The following FRMPD4 variants were observed in gnomAD, a reference collection of about 807,000 sequenced individuals.
The protein encoded by FRMPD4 is FERM and PDZ domain containing 4.
In FRMPD4, 22 loss-of-function variants were observed where a neutral mutation model predicts 94.1. The ratio of observed to expected loss-of-function variants is 0.23; its 90% CI spans 0.17 to 0.33. FRMPD4 has a LOEUF of 0.33. Ranked by LOEUF, FRMPD4 falls within the 10% of genes least tolerant of loss-of-function variation. The pLI is 1.00. For synonymous variants in FRMPD4, 631 were observed against 548.6 expected (o/e 1.15, Z -2.10); for missense variants, 1,111 against 1,339.9 (o/e 0.83, Z 2.67).
intron 1 of FRMPD4, among the ~76,000 whole-genome samples, chrX:12,339,764 A>T (rs749372149): frequency 2.7e-5 from 3 of 110,861 alleles, no homozygotes; most frequent in Non-Finnish European, 5.7e-5. Flanking sequence ...CTACAGGCAC[A>T]TGCCACCATG....
At chrX:11,881,698 A>G (rs896506325) in intron 3 of FRMPD4, among the ~76,000 whole-genome samples, 2 of 112,000 alleles carry the variant, frequency 1.8e-5, no homozygotes. Context: ...TCTTGATTGT[A>G]GTCATGGTTA....
intron 1 of FRMPD4, among the ~76,000 whole-genome samples, chrX:12,472,167 T>G (rs1291894396): frequency 1.8e-5 from 2 of 112,195 alleles, no homozygotes; most frequent in Non-Finnish European, 3.8e-5. Context: ...CAAAGATAAG[T>G]TGCCCACAAA....
At chrX:11,862,709 T>G (rs749673439) in intron 1 of FRMPD4, among the ~76,000 whole-genome samples, 1 of 111,330 alleles carries the variant, frequency 9.0e-6, no homozygotes, top group Admixed American at 9.5e-5. Context: ...CTGACAGTTT[T>G]GCTGAACCTT....
chrX:12,680,341 G>A (rs917221862), intron 5 of FRMPD4, among the ~76,000 whole-genome samples: 1 of 112,338 alleles, frequency 8.9e-6, no homozygotes, highest in East Asian at 2.8e-4. Flanking sequence ...CCTACAGGTT[G>A]CTCAGAATTA....
chrX:12,195,967 G>A (rs1029606696), intron 1 of FRMPD4, among the ~76,000 whole-genome samples: 3 of 111,702 alleles, frequency 2.7e-5, no homozygotes, highest in Non-Finnish European at 5.7e-5. Context: ...ATGGAATGAC[G>A]GAATGGATGT....
At chrX:12,614,952 C>T in intron 4 of FRMPD4, 71 bp downstream of exon 4, 2 of 527,318 alleles carry the variant, frequency 3.8e-6, no homozygotes, top group Non-Finnish European at 6.2e-6. Flanking sequence ...TCTCAATTAG[C>T]AGAGGAAGAG....
intron 4 of FRMPD4, among the ~76,000 whole-genome samples, chrX:12,624,127 TG>T (rs777718385): frequency 1.8e-5 from 2 of 112,284 alleles, no homozygotes; most frequent in Admixed American, 9.4e-5. Flanking sequence ...TTAGAAGAAA[TG>T]CTACAGTGAG....
upstream of FRMPD4, among the ~76,000 whole-genome samples, chrX:12,133,490 T>A (rs182622103): frequency 2.9e-4 from 32 of 111,235 alleles, no homozygotes; most frequent in African/African-American, 1.0e-3. Flanking sequence ...AGTAGCATGA[T>A]CAGAGCTCAA....
chrX:12,215,176 C>G (rs992996990), intron 1 of FRMPD4, among the ~76,000 whole-genome samples: 2 of 111,448 alleles, frequency 1.8e-5, no homozygotes, highest in Non-Finnish European at 3.8e-5. Flanking sequence ...GGTATGTTTC[C>G]TTTACTTTAT....
intron 1 of FRMPD4, among the ~76,000 whole-genome samples, chrX:12,305,726 T>TA (rs1491095626): frequency 4.4e-5 from 1 of 22,798 alleles, no homozygotes; most frequent in East Asian, 2.5e-3. Flanking sequence ...GCTGGCTAAG[T>TA]TTTTTTTTTT....
intron 1 of FRMPD4, among the ~76,000 whole-genome samples, chrX:12,335,901 A>G (rs752000326): frequency 2.7e-5 from 3 of 112,029 alleles, no homozygotes; most frequent in South Asian, 3.8e-4. Flanking sequence ...TTTCGCCTCA[A>G]TCACCTTACT....
chrX:12,340,332 A>G (rs2055591802), intron 1 of FRMPD4, among the ~76,000 whole-genome samples: 1 of 111,254 alleles, frequency 9.0e-6, no homozygotes. Context: ...TCTATGGAGT[A>G]TTGTCAAAGA....
chrX:12,008,332 T>G (rs1479025499), intron 3 of FRMPD4, among the ~76,000 whole-genome samples: 4 of 111,702 alleles, frequency 3.6e-5, no homozygotes, highest in African/African-American at 1.3e-4. Context: ...GGGTTCTGGC[T>G]CTATTATTTG....
chrX:12,667,933 A>G (rs1406835298), intron 4 of FRMPD4, among the ~76,000 whole-genome samples: 2 of 112,402 alleles, frequency 1.8e-5, no homozygotes, highest in Admixed American at 9.4e-5. Flanking sequence ...AAACTCAACC[A>G]TTTAAAAAAT....
rs952546719 is a variant in FRMPD4 at position 12,095,826 on chromosome X, A to G, written c.95+217808A>G. 4.5e-5 allele frequency among the ~76,000 whole-genome samples: 5 copies of G among 112,091 alleles called. No homozygotes were observed. In the Admixed American group the frequency reaches 4.7e-4, roughly 11 times the overall value. ...ATGCACATGACAACACTTCAACCAC[A>G]TTCCATCAATTCTCTCTTGTCTGGA... On this transcript the variant is annotated intron_variant, in intron 3 of 18. Coordinates refer to the FRMPD4 transcript ENST00000640291.
intron 3 of FRMPD4, among the ~76,000 whole-genome samples, chrX:11,970,140 T>C (rs1240057094): frequency 1.8e-5 from 2 of 112,037 alleles, no homozygotes; most frequent in African/African-American, 6.5e-5. Context: ...GTCAAAGGTA[T>C]GTACTTTTCC....
At chrX:12,278,470 G>C (rs1024745151) in intron 1 of FRMPD4, among the ~76,000 whole-genome samples, 2 of 112,223 alleles carry the variant, frequency 1.8e-5, no homozygotes, top group African/African-American at 3.2e-5. Context: ...CATTCAGTCT[G>C]AAAGCTTTTT....
Position 12,231,052 on chromosome X carries a change from T to A in FRMPD4, c.41+92040T>A, listed in dbSNP as rs28489864. Among the ~76,000 whole-genome samples the A allele has an allele frequency of 3.6e-4, 21 of 57,803 alleles. 1 individual carries two copies. The East Asian group carries it at 4.4e-3, about 12-fold the overall frequency. The allele number at this position is 57,803 out of a possible 115,157, so 50.2% of individuals were successfully genotyped here. On this transcript the variant is annotated intron_variant, in intron 1 of 16. Transcript: ENST00000675598. ...ATAGTATATATATATATATATAAAATATATATATATATATATATATATAGT... is the reference window on the plus strand; with the variant it reads ...ATAGTATATATATATATATATAAAAAATATATATATATATATATATATAGT...
chrX:12,332,159 A>T (rs2055434787), intron 1 of FRMPD4, among the ~76,000 whole-genome samples: 2 of 68,004 alleles, frequency 2.9e-5, no homozygotes, highest in Admixed American at 2.1e-4. Context: ...TTTATATATA[A>T]TTTATATTTT....
Sources: allele counts gnomAD v4.1 joint callset (sites outside exome capture counted in the v4.1 genomes callset), GRCh38; gene constraint gnomAD v4.1.1; transcripts MANE v1.5; gene names NCBI Gene and HGNC (gene_info 2026-07-23, HGNC 2026-07-21).